The following SCUBE1 variants were observed in gnomAD, a reference collection of about 807,000 sequenced individuals.
SCUBE1 encodes signal peptide, CUB and EGF-like domain-containing protein 1.
In SCUBE1, 59 loss-of-function variants were observed where a neutral mutation model predicts 124.4. The observed-to-expected ratio is 0.47, with a 90% CI of 0.38 to 0.59. SCUBE1 has a LOEUF of 0.59. SCUBE1 is among the 20% of genes least tolerant of loss of function. The probability of loss-of-function intolerance (pLI) is 0.00; values close to 1 mark genes in which losing one functional copy is unlikely to be tolerated. For synonymous variants in SCUBE1, 545 were observed against 550.9 expected (o/e 0.99, Z 0.15); for missense variants, 1,150 against 1,371.2 (o/e 0.84, Z 2.55).
Position 43,234,621 on chromosome 22 carries a change from A to AG in SCUBE1, c.845-2747dup, listed in dbSNP as rs1301954503. Among the ~76,000 whole-genome samples, 3 of 152,184 alleles carry AG rather than the reference A, an allele frequency of 2.0e-5. No individual in the cohort carries two copies. The highest frequency in any genetic ancestry group is 4.4e-5 in the Non-Finnish European group (3 of 68,012). ...CTCACACTACCTCAGGATATAGTGAAGGGGGTGCTGGGCTCATGGCCCCTG... is the reference window on the plus strand; with the variant it reads ...CTCACACTACCTCAGGATATAGTGAAGGGGGGTGCTGGGCTCATGGCCCCTG... On this transcript the variant is annotated intron_variant, in intron 7 of 21. Transcript: ENST00000360835. The surrounding 1 kb of genome is among the most constrained non-coding windows in gnomAD (Gnocchi z 4.4).
intron 6 of SCUBE1, among the ~76,000 whole-genome samples, chr22:43,254,434 G>A (rs889257891): frequency 6.6e-6 from 1 of 152,134 alleles, no homozygotes; most frequent in African/African-American, 2.4e-5. Flanking sequence ...CCTGAGGTCC[G>A]CATGAGGGCC....
chr22:43,312,654 A>T (rs1017727653), intron 3 of SCUBE1, among the ~76,000 whole-genome samples: 2 of 152,186 alleles, frequency 1.3e-5, no homozygotes, highest in African/African-American at 4.8e-5. Flanking sequence ...CAAGGCCACA[A>T]GCTCTGCCCT....
intron 16 of SCUBE1, 114 bp downstream of exon 16, chr22:43,213,976 C>T (rs1468332104): frequency 9.2e-7 from 1 of 1,092,868 alleles, no homozygotes; most frequent in Admixed American, 2.9e-5. Flanking sequence ...TAGAAAATAC[C>T]ACACTCTCTG....
At chr22:43,303,654 T>C (rs1024158901) in intron 3 of SCUBE1, among the ~76,000 whole-genome samples, 1 of 152,238 alleles carries the variant, frequency 6.6e-6, no homozygotes, top group Non-Finnish European at 1.5e-5. Context: ...GTCTCTGAGT[T>C]TGTGGCCACA....
chr22:43,321,336 T>C (rs1926546880), intron 2 of SCUBE1, among the ~76,000 whole-genome samples: 1 of 152,194 alleles, frequency 6.6e-6, no homozygotes, highest in African/African-American at 2.4e-5. Flanking sequence ...AACTCCTTGC[T>C]TTCTCCATGC....
chr22:43,338,962 TGA>T, intron 2 of SCUBE1, 140 bp downstream of exon 2: 1 of 958,594 alleles, frequency 1.0e-6, no homozygotes, highest in South Asian at 1.6e-5. Context: ...CTCCTGAGGC[TGA>T]GAGAAGCCTG....
At chr22:43,297,088 C>A (rs1398267544) in intron 3 of SCUBE1, among the ~76,000 whole-genome samples, 2 of 152,256 alleles carry the variant, frequency 1.3e-5, no homozygotes, top group East Asian at 3.8e-4. Flanking sequence ...TCCCACCCAG[C>A]CACCAGGCCT....
chr22:43,293,226 C>A (rs879344049), intron 3 of SCUBE1, among the ~76,000 whole-genome samples: 3 of 152,266 alleles, frequency 2.0e-5, no homozygotes, highest in Admixed American at 6.5e-5. Flanking sequence ...CAACACAAAG[C>A]AAACATCTGT....
intron 4 of SCUBE1, among the ~76,000 whole-genome samples, chr22:43,279,245 C>G (rs1924661582): frequency 6.6e-6 from 1 of 152,220 alleles, no homozygotes; most frequent in Non-Finnish European, 1.5e-5. Flanking sequence ...AGCCCCCAGC[C>G]AGTCCTGAGA....
intron 4 of SCUBE1, among the ~76,000 whole-genome samples, chr22:43,277,886 C>T (rs1924596961): frequency 6.6e-6 from 1 of 152,378 alleles, no homozygotes; most frequent in East Asian, 1.9e-4. Flanking sequence ...GAGAAGGACG[C>T]CAGGGCTGGG....
At chr22:43,268,460 G>A (rs1196798864) in intron 4 of SCUBE1, among the ~76,000 whole-genome samples, 2 of 152,230 alleles carry the variant, frequency 1.3e-5, no homozygotes, top group African/African-American at 2.4e-5. Flanking sequence ...CCGCCAGGTC[G>A]AATCTAATCT....
intron 15 of SCUBE1, among the ~76,000 whole-genome samples, chr22:43,215,395 G>C (rs1921765553): frequency 6.6e-6 from 1 of 152,254 alleles, no homozygotes; most frequent in East Asian, 1.9e-4. Context: ...CTTTCCTACA[G>C]GAGAATGTGA....
rs1569009408 is a variant in SCUBE1 at position 43,280,467 on chromosome 22, CTCCCGT to C, written c.484+10573_484+10578del. On this transcript the variant is annotated intron_variant, in intron 4 of 21. Coordinates refer to ENST00000360835, the MANE Select transcript of SCUBE1 (RefSeq NM_173050.5). ...CCCCTGTCCCTTCCCCTCACCCATCCTCCCGTCCCTTCCCCTCACCCATCCCCGTCC... is the reference window on the plus strand; with the variant it reads ...CCCCTGTCCCTTCCCCTCACCCATCCCCCTTCCCCTCACCCATCCCCGTCC... 8.0e-3 allele frequency among the ~76,000 whole-genome samples: 697 copies of C among 87,230 alleles called. 13 individuals carry two copies. The highest frequency in any genetic ancestry group is 0.013 in the Middle Eastern group (3 of 226). 57.2% of individuals were successfully genotyped at this position (87,230 alleles called of 152,430 possible). A position where few individuals can be genotyped will look rare whatever the true frequency, so the allele number is the denominator to read the frequency against.
At chr22:43,333,023 C>T (rs1926953017) in intron 2 of SCUBE1, among the ~76,000 whole-genome samples, 1 of 152,176 alleles carries the variant, frequency 6.6e-6, no homozygotes. Flanking sequence ...GTCCCAGATC[C>T]GGTCTTTGAG....
chr22:43,250,181 C>T (rs1490562664), intron 6 of SCUBE1, among the ~76,000 whole-genome samples: 1 of 152,230 alleles, frequency 6.6e-6, no homozygotes, highest in Non-Finnish European at 1.5e-5. Flanking sequence ...AGAACTGGTA[C>T]CCAGGCCTTG....
chr22:43,336,364 G>A (rs1046769456), intron 2 of SCUBE1, among the ~76,000 whole-genome samples: 5 of 152,116 alleles, frequency 3.3e-5, no homozygotes, highest in Admixed American at 6.6e-5. Flanking sequence ...CCCACACTCC[G>A]CACTCCCCTC....
chr22:43,310,492 C>T (rs888982334), intron 3 of SCUBE1, among the ~76,000 whole-genome samples: 3 of 152,192 alleles, frequency 2.0e-5, no homozygotes, highest in African/African-American at 7.2e-5. Flanking sequence ...CAGCCAACCA[C>T]CACCACCAGC....
In SCUBE1 at chr22:43,234,405, T is replaced by C. The variant is rs1164190422; in HGVS notation, c.845-2530A>G. Among the ~76,000 whole-genome samples, 1 of 152,188 alleles carries C rather than the reference T, an allele frequency of 6.6e-6. No homozygotes were observed. Among genetic ancestry groups the C allele is most frequent in the African/African-American group, 2.4e-5 (1 of 41,436 alleles). On this transcript the variant is annotated intron_variant, in intron 7 of 21. Coordinates refer to ENST00000360835, the MANE Select transcript of SCUBE1 (RefSeq NM_173050.5). The surrounding 1 kb of genome is among the most constrained non-coding windows in gnomAD (Gnocchi z 4.4). Reference sequence around the variant, plus strand: ...AGCAGACAGGGGCAGCACGTGATCATTCTCACCACTCCTGCCTCCTCAGTG... The same window carrying C: ...AGCAGACAGGGGCAGCACGTGATCACTCTCACCACTCCTGCCTCCTCAGTG...
rs1569011189 is a variant in SCUBE1, at chr22:43,281,586, T to TCC, written c.484+9459_484+9460insGG. Among the ~76,000 whole-genome samples the TCC allele has an allele frequency of 9.1e-5, 10 of 110,074 alleles. 1 individual carries two copies. Among genetic ancestry groups the TCC allele is most frequent in the African/African-American group, 4.7e-4 (10 of 21,416 alleles). 72.2% of individuals were successfully genotyped at this position (110,074 alleles called of 152,430 possible). A position where few individuals can be genotyped will look rare whatever the true frequency, so the allele number is the denominator to read the frequency against. On this transcript the variant is annotated intron_variant, in intron 4 of 21. Transcript: ENST00000360835. ...CTCAGCCACCCTCCTGTCACCTCCC[T>TCC]TCTCAGCCACCCTCCTGTCACCTCC...
Sources: allele counts gnomAD v4.1 joint callset (sites outside exome capture counted in the v4.1 genomes callset), GRCh38; gene constraint gnomAD v4.1.1; non-coding constraint Gnocchi (gnomAD v3.1); transcripts MANE v1.5; gene names NCBI Gene and HGNC (gene_info 2026-07-23, HGNC 2026-07-21).